Variants in PLXNA4 observed in about 807,000 individuals in gnomAD.
PLXNA4 encodes the protein plexin-A4.
Under a neutral mutation model 191.8 loss-of-function variants are expected in PLXNA4, and 44 were observed. That is an observed-to-expected ratio of 0.23 (90% CI 0.18 to 0.29). PLXNA4 has a LOEUF of 0.29. Ranked by LOEUF, PLXNA4 falls within the 10% of genes least tolerant of loss-of-function variation. PLXNA4 has a pLI of 1.00. For synonymous variants in PLXNA4, 1,082 were observed against 1,009.5 expected, an observed-to-expected ratio of 1.07 and a Z score of -1.36; for missense variants, 1,800 against 2,488.8, an observed-to-expected ratio of 0.72 and a Z score of 5.89.
intron 4 of PLXNA4, among the ~76,000 whole-genome samples, chr7:132,247,173 G>C (rs1022131116): frequency 6.6e-6 from 1 of 152,162 alleles, no homozygotes; most frequent in African/African-American, 2.4e-5. Context: ...GGTGCCTGCT[G>C]TTCTGCTGAT....
intron 4 of PLXNA4, among the ~76,000 whole-genome samples, chr7:132,295,122 G>A (rs763264316): frequency 2.0e-5 from 3 of 152,216 alleles, no homozygotes; most frequent in African/African-American, 7.2e-5. Flanking sequence ...GAAGCAATAG[G>A]TTATTTGTGT....
At chr7:132,505,196 C>T (rs1427715033) in intron 2 of PLXNA4, among the ~76,000 whole-genome samples, 4 of 152,238 alleles carry the variant, frequency 2.6e-5, no homozygotes, top group African/African-American at 9.6e-5. Flanking sequence ...CATTACTCCC[C>T]GTCCCGGCAT....
intron 20 of PLXNA4, among the ~76,000 whole-genome samples, chr7:132,177,465 G>T (rs1273823441): frequency 1.3e-5 from 2 of 152,312 alleles, no homozygotes; most frequent in African/African-American, 4.8e-5. Context: ...TCTGTGGCTA[G>T]TCTGACAAGT....
intron 2 of PLXNA4, among the ~76,000 whole-genome samples, chr7:132,490,135 C>T (rs953024124): frequency 6.6e-6 from 1 of 152,214 alleles, no homozygotes; most frequent in African/African-American, 2.4e-5. Context: ...TTATGAGCTC[C>T]GACCTCAGGC....
rs186574701 is a variant in PLXNA4 at position 132,377,465 on chromosome 7, G to A, written c.1372-79243C>T. Among the ~76,000 whole-genome samples the A allele has an allele frequency of 4.6e-5, 7 of 151,474 alleles. No individual in the cohort carries two copies. In the East Asian group the frequency reaches 1.4e-3, roughly 29 times the overall value. On this transcript the variant is annotated intron_variant, in intron 3 of 31. Coordinates refer to ENST00000321063, the MANE Select transcript of PLXNA4 (RefSeq NM_020911.2). ...AAAACAAAACAAAACAAAAGGGAGA[G>A]CTGGAAGGATCAACTCCTCTGTTCC...
intron 21 of PLXNA4, among the ~76,000 whole-genome samples, chr7:132,168,821 A>G (rs901018903): frequency 6.6e-6 from 1 of 152,234 alleles, no homozygotes; most frequent in African/African-American, 2.4e-5. Flanking sequence ...TGGCGGGGCT[A>G]GGATGGCACT....
At chr7:132,477,121 G>A (rs1015839784) in intron 3 of PLXNA4, among the ~76,000 whole-genome samples, 9 of 152,250 alleles carry the variant, frequency 5.9e-5, no homozygotes, top group Non-Finnish European at 1.0e-4. Flanking sequence ...AGTGCCTAGC[G>A]CATTTTAGAT....
At chr7:132,534,536 G>A (rs2116459264) in intron 1 of PLXNA4, among the ~76,000 whole-genome samples, 1 of 152,296 alleles carries the variant, frequency 6.6e-6, no homozygotes, top group African/African-American at 2.4e-5. Context: ...AGTGTTGTGT[G>A]TGCATAGATT....
chr7:132,620,251 G>A (rs1300814994), intron 2 of PLXNA4, among the ~76,000 whole-genome samples: 1 of 152,078 alleles, frequency 6.6e-6, no homozygotes, highest in Non-Finnish European at 1.5e-5. Context: ...AGGTGACCCT[G>A]GATAAGCGGC....
At chr7:132,167,444 T>C (rs1796155310) in intron 22 of PLXNA4, among the ~76,000 whole-genome samples, 1 of 152,194 alleles carries the variant, frequency 6.6e-6, no homozygotes, top group Admixed American at 6.5e-5. Context: ...CAAACTTTAA[T>C]ATGGATTGGG....
chr7:132,377,435 A>G (rs904634666), intron 3 of PLXNA4, among the ~76,000 whole-genome samples: 6 of 151,994 alleles, frequency 3.9e-5, no homozygotes, highest in African/African-American at 9.7e-5. Flanking sequence ...AAAAAAAAAA[A>G]AAAGAAAACA....
chr7:132,172,758 T>TATAATAATAATAATAATAATA lies in PLXNA4; in HGVS notation c.4017+1999_4017+2019dup, dbSNP rs10651247. Among the ~76,000 whole-genome samples, 898 of 148,996 alleles carry TATAATAATAATAATAATAATA rather than the reference T, an allele frequency of 6.0e-3. 4 individuals carry two copies. Among genetic ancestry groups the TATAATAATAATAATAATAATA allele is most frequent in the African/African-American group, 0.015 (611 of 40,484 alleles). ...TGCACATGTACCCTAAAACTTAAAG[T>TATAATAATAATAATAATAATA]ATAATAATAATAATAATAATAATAA... On this transcript the variant is annotated intron_variant, in intron 21 of 31. Transcript: ENST00000321063.
chr7:132,307,133 C>T (rs1261746393), intron 3 of PLXNA4, among the ~76,000 whole-genome samples: 1 of 152,076 alleles, frequency 6.6e-6, no homozygotes, highest in African/African-American at 2.4e-5. Flanking sequence ...ACACCCCAGG[C>T]CCTCACTGCC....
At chr7:132,258,758 G>A (rs528239740) in intron 4 of PLXNA4, among the ~76,000 whole-genome samples, 13 of 152,306 alleles carry the variant, frequency 8.5e-5, no homozygotes, top group East Asian at 3.9e-4. Context: ...CTATGAAAGC[G>A]TAGGTTGGCT....
intron 2 of PLXNA4, among the ~76,000 whole-genome samples, chr7:132,606,513 C>T (rs1199760017): frequency 6.6e-6 from 1 of 152,244 alleles, no homozygotes; most frequent in East Asian, 1.9e-4. Flanking sequence ...CAGCTGTATG[C>T]AGTTTTCTGC....
chr7:132,349,071 G>A (rs766092597), intron 3 of PLXNA4, among the ~76,000 whole-genome samples: 7 of 152,106 alleles, frequency 4.6e-5, no homozygotes, highest in Admixed American at 1.3e-4. Context: ...ATCCAACGCC[G>A]AAAGATGGGT....
chr7:132,515,485 G>T (rs1440455799), intron 1 of PLXNA4, among the ~76,000 whole-genome samples: 2 of 152,154 alleles, frequency 1.3e-5, no homozygotes, highest in Admixed American at 6.5e-5. Context: ...AAAGAGTACA[G>T]TGTCTCCCAC....
intron 1 of PLXNA4, among the ~76,000 whole-genome samples, chr7:132,574,185 G>A (rs1253429117): frequency 6.6e-6 from 1 of 152,190 alleles, no homozygotes; most frequent in East Asian, 1.9e-4. Flanking sequence ...GATGGATCCT[G>A]AGGCTGCGAA....
Position 132,198,574 on chromosome 7 carries a change from C to T in PLXNA4, c.2649G>A (p.Leu883=), listed in dbSNP as rs746418940. Residue 883 remains leucine, a synonymous_variant, in exon 13 of 32, where the codon CTG becomes CTA. Transcript: ENST00000321063. ...GTKVTIRGEN[L]GLEFRDIASH... ...AGGCGATGTCGCGAAATTCCAGGCC[C>T]AGGTTCTCCCCTCGGATAGTGACCT... The T allele has an allele frequency of 2.5e-6, 4 of 1,614,262 alleles. No individual in the cohort carries two copies. The highest frequency in any genetic ancestry group is 3.4e-6 in the Non-Finnish European group (4 of 1,180,054).
Sources: allele counts gnomAD v4.1 joint callset (sites outside exome capture counted in the v4.1 genomes callset), GRCh38; gene constraint gnomAD v4.1.1; transcripts MANE v1.5; gene names NCBI Gene and HGNC (gene_info 2026-07-23, HGNC 2026-07-21).